The following CNTNAP4 variants were observed in gnomAD, a reference collection of about 807,000 sequenced individuals.
CNTNAP4 encodes contactin associated protein family member 4.
In CNTNAP4, 98 loss-of-function variants were observed where a neutral mutation model predicts 148.4. The observed-to-expected ratio is 0.66, with a 90% CI of 0.56 to 0.78. The LOEUF (loss-of-function observed/expected upper bound fraction) is 0.78, where lower values mean the gene tolerates loss of function less well. Ranked by LOEUF, CNTNAP4 falls within the 30% of genes least tolerant of loss-of-function variation. The pLI is 0.00. For synonymous variants in CNTNAP4, 730 were observed against 565.1 expected, an observed-to-expected ratio of 1.29 and a Z score of -4.14; for missense variants, 1,935 against 1,565.6, an observed-to-expected ratio of 1.24 and a Z score of -3.98.
At chr16:76,296,880 G>A (rs1959362524) in intron 1 of CNTNAP4, among the ~76,000 whole-genome samples, 1 of 152,106 alleles carries the variant, frequency 6.6e-6, no homozygotes, top group Non-Finnish European at 1.5e-5. Flanking sequence ...GTGTTCTGTA[G>A]CATTAAATCT....
At chr16:76,413,106 A>G (rs1240556897) in intron 3 of CNTNAP4, among the ~76,000 whole-genome samples, 1 of 151,418 alleles carries the variant, frequency 6.6e-6, no homozygotes, top group Non-Finnish European at 1.5e-5. Flanking sequence ...TTTGAGTTAC[A>G]AACAATCCGA....
chr16:76,526,288 T>A (rs2083727860), intron 17 of CNTNAP4, among the ~76,000 whole-genome samples: 1 of 152,028 alleles, frequency 6.6e-6, no homozygotes, highest in African/African-American at 2.4e-5. Flanking sequence ...AAAAACAATG[T>A]GGCTGGAAAG....
intron 11 of CNTNAP4, among the ~76,000 whole-genome samples, chr16:76,477,011 A>G (rs1056690057): frequency 1.3e-5 from 2 of 152,042 alleles, no homozygotes; most frequent in East Asian, 1.9e-4. Context: ...AGTATTTTCT[A>G]TGTCCTAACT....
intron 17 of CNTNAP4, among the ~76,000 whole-genome samples, chr16:76,532,525 G>A (rs2084029209): frequency 1.3e-5 from 2 of 152,276 alleles, no homozygotes; most frequent in Non-Finnish European, 2.9e-5. Flanking sequence ...CTGTGAGTTA[G>A]GGAGACTGTG....
chr16:76,288,669 A>T (rs1195621245), intron 1 of CNTNAP4, among the ~76,000 whole-genome samples: 1 of 152,240 alleles, frequency 6.6e-6, no homozygotes, highest in African/African-American at 2.4e-5. Context: ...AAATTTTTGA[A>T]AGACAGAAGT....
chr16:76,309,706 T>A, intron 1 of CNTNAP4: 1 of 587,748 alleles, frequency 1.7e-6, no homozygotes, highest in South Asian at 2.0e-5. Context: ...AATTCCCACG[T>A]GTTGTGACAG....
intron 2 of CNTNAP4, among the ~76,000 whole-genome samples, chr16:76,346,432 TAAAAA>T (rs59482710): frequency 3.8e-4 from 47 of 123,746 alleles, no homozygotes; most frequent in African/African-American, 1.2e-3. Context: ...CTAGGGAAGA[TAAAAA>T]AAAAAAAAAA....
At position 76,408,267 on chromosome 16, in the gene CNTNAP4, A is replaced by G. The variant is rs1017820147; in HGVS notation, c.391-19185A>G. 1.1e-4 allele frequency among the ~76,000 whole-genome samples: 7 copies of G among 66,120 alleles called. No homozygotes were observed. In the Admixed American group the frequency reaches 1.3e-3, roughly 12 times the overall value. The allele number at this position is 66,120 out of a possible 152,430, so 43.4% of individuals were successfully genotyped here. Reference sequence around the variant, plus strand: ...TACCTCTGAAGTGTCTGTACCTATGATAAGTAAAGAAATGTTATAAAGGAA... The same window carrying G: ...TACCTCTGAAGTGTCTGTACCTATGGTAAGTAAAGAAATGTTATAAAGGAA... On this transcript the variant is annotated intron_variant, in intron 3 of 23. Transcript: ENST00000611870.
intron 2 of CNTNAP4, among the ~76,000 whole-genome samples, chr16:76,318,004 A>G (rs1961986034): frequency 1.3e-5 from 2 of 152,222 alleles, no homozygotes; most frequent in South Asian, 4.2e-4. Context: ...ACTTGCAGTA[A>G]GAGTTACTGG....
chr16:76,383,490 A>G (rs981656439), intron 3 of CNTNAP4, among the ~76,000 whole-genome samples: 11 of 151,870 alleles, frequency 7.2e-5, no homozygotes, highest in African/African-American at 1.7e-4. Context: ...TTTTTTTTCA[A>G]TAGTTGATTG....
intron 3 of CNTNAP4, among the ~76,000 whole-genome samples, chr16:76,402,519 T>G (rs1280099969): frequency 6.6e-6 from 1 of 152,180 alleles, no homozygotes; most frequent in Non-Finnish European, 1.5e-5. Flanking sequence ...CTGAATTTGT[T>G]GAACTTTTGA....
chr16:76,367,150 T>C (rs2014238118), intron 3 of CNTNAP4, among the ~76,000 whole-genome samples: 2 of 151,990 alleles, frequency 1.3e-5, no homozygotes, highest in Admixed American at 1.3e-4. Flanking sequence ...TTTAGGGATT[T>C]GCATAAAATA....
intron 23 of CNTNAP4, among the ~76,000 whole-genome samples, chr16:76,556,314 A>G (rs952048018): frequency 8.5e-5 from 13 of 152,316 alleles, no homozygotes; most frequent in Middle Eastern, 3.4e-3. Context: ...TAGGTGCAGC[A>G]TCATAGAGGC....
At chr16:76,521,599 TAATC>T (rs1242390862) in intron 16 of CNTNAP4, among the ~76,000 whole-genome samples, 18 of 152,224 alleles carry the variant, frequency 1.2e-4, no homozygotes, top group Admixed American at 7.2e-4. Flanking sequence ...ACAAATTACT[TAATC>T]AACCACTCAT....
At chr16:76,476,135 C>A (rs1445522245) in intron 11 of CNTNAP4, 90 bp downstream of exon 11, 2 of 839,442 alleles carry the variant, frequency 2.4e-6, no homozygotes, top group Non-Finnish European at 2.0e-6. Context: ...TATGTCTGTT[C>A]TGTGCAAACT....
chr16:76,410,376 T>TA (rs776668051), intron 3 of CNTNAP4, among the ~76,000 whole-genome samples: 4 of 151,794 alleles, frequency 2.6e-5, no homozygotes, highest in Non-Finnish European at 5.9e-5. Context: ...GAACATGTAT[T>TA]AAAGCCTTCA....
At chr16:76,471,954 C>T (rs4243121) in intron 10 of CNTNAP4, among the ~76,000 whole-genome samples, 144,042 of 152,282 alleles carry the variant, frequency 0.95, 68,487 homozygotes, top group Non-Finnish European at 0.99. Context: ...TTCCAGCAAA[C>T]CTTTACATTG....
intron 10 of CNTNAP4, among the ~76,000 whole-genome samples, chr16:76,475,276 C>G (rs971046986): frequency 3.3e-5 from 5 of 152,138 alleles, no homozygotes; most frequent in Admixed American, 3.3e-4. Flanking sequence ...ACTCTGCTCC[C>G]CAAAGATAGG....
At chr16:76,361,933 G>C (rs2013487547) in intron 3 of CNTNAP4, among the ~76,000 whole-genome samples, 1 of 152,110 alleles carries the variant, frequency 6.6e-6, no homozygotes, top group East Asian at 1.9e-4. Flanking sequence ...GAAATGTTGA[G>C]TATCTTTTCA....
Sources: gnomAD v4.1 joint callset for allele counts (sites outside exome capture counted in the v4.1 genomes callset) on GRCh38, gnomAD v4.1.1 for gene constraint, MANE v1.5 for transcripts, NCBI Gene and HGNC (gene_info 2026-07-23, HGNC 2026-07-21) for gene names.